DAB1: variants seen among roughly 807,000 people sequenced by gnomAD.
DAB1 encodes disabled homolog 1.
In DAB1, 15 loss-of-function variants were observed where a neutral mutation model predicts 64.6. The ratio of observed to expected loss-of-function variants is 0.23; its 90% CI spans 0.16 to 0.36. The LOEUF (loss-of-function observed/expected upper bound fraction) is 0.36, where lower values mean the gene tolerates loss of function less well. Among genes scored for constraint, DAB1 ranks in the 10% least tolerant of loss-of-function variants. The pLI is 1.00. For missense variants in DAB1, 596 were observed against 706.7 expected, an observed-to-expected ratio of 0.84 and a Z score of 1.78; for synonymous variants, 235 against 251.9, an observed-to-expected ratio of 0.93 and a Z score of 0.64.
intron 5 of DAB1, among the ~76,000 whole-genome samples, chr1:57,929,776 C>A (rs1644929864): frequency 6.6e-6 from 1 of 152,082 alleles, no homozygotes; most frequent in South Asian, 2.1e-4. Context: ...TGATGCACAC[C>A]CTGACATTAT....
At chr1:57,177,014 G>A (rs1662406921) in intron 2 of DAB1, among the ~76,000 whole-genome samples, 1 of 139,142 alleles carries the variant, frequency 7.2e-6, no homozygotes, top group East Asian at 2.1e-4. Flanking sequence ...ACCCACATTT[G>A]CCTAAAAGCG....
intron 2 of DAB1, among the ~76,000 whole-genome samples, chr1:57,184,242 T>C (rs1205851150): frequency 6.6e-6 from 1 of 152,134 alleles, no homozygotes; most frequent in Admixed American, 6.6e-5. Flanking sequence ...ACCACAGGTG[T>C]TTCAGGCCAG....
intron 7 of DAB1, among the ~76,000 whole-genome samples, chr1:57,473,519 G>A (rs1643894223): frequency 6.6e-6 from 1 of 152,170 alleles, no homozygotes; most frequent in African/African-American, 2.4e-5. Flanking sequence ...ATTTGCAAAA[G>A]AATCCCTTCT....
chr1:57,699,774 G>A (rs761171915), intron 6 of DAB1, among the ~76,000 whole-genome samples: 9 of 152,076 alleles, frequency 5.9e-5, no homozygotes, highest in African/African-American at 7.2e-5. Flanking sequence ...TTAGCTCGGC[G>A]TGGTGGTGCG....
intron 3 of DAB1, 78 bp from the exon 4 acceptor site, chr1:57,136,719 T>A (rs910125540): frequency 4.6e-6 from 4 of 862,886 alleles, no homozygotes; most frequent in Non-Finnish European, 6.9e-6. Context: ...GTATGTCCGA[T>A]ACCATCAACC....
At chr1:58,451,672 A>C (rs903351885) in intron 3 of DAB1, among the ~76,000 whole-genome samples, 7 of 152,348 alleles carry the variant, frequency 4.6e-5, no homozygotes, top group African/African-American at 1.7e-4. Flanking sequence ...GAAAAGACAT[A>C]CTATACAAAT....
At chr1:57,110,857 G>T (rs114411830) in intron 4 of DAB1, among the ~76,000 whole-genome samples, 12 of 152,028 alleles carry the variant, frequency 7.9e-5, no homozygotes, top group Admixed American at 7.2e-4. Flanking sequence ...TAAAGAGATG[G>T]AGCAACTTGC....
At chr1:58,377,729 CT>C (rs1557743847) in intron 3 of DAB1, among the ~76,000 whole-genome samples, 1 of 138,242 alleles carries the variant, frequency 7.2e-6, no homozygotes, top group African/African-American at 2.8e-5. Context: ...GTTGGCCTGC[CT>C]TGCTAGATTG....
chr1:58,220,872 T>TACAC (rs373869896), intron 4 of DAB1, among the ~76,000 whole-genome samples: 3,506 of 146,782 alleles, frequency 0.024, 145 homozygotes, highest in South Asian at 0.11. Context: ...TATACATATA[T>TACAC]ACACACACAC....
intron 6 of DAB1, among the ~76,000 whole-genome samples, chr1:57,811,769 A>G (rs903591065): frequency 1.3e-5 from 2 of 152,194 alleles, no homozygotes; most frequent in Non-Finnish European, 2.9e-5. Flanking sequence ...GTATGTGCTC[A>G]AGGAATGTGT....
chr1:58,395,374 C>T (rs889381417), intron 3 of DAB1, among the ~76,000 whole-genome samples: 1 of 152,166 alleles, frequency 6.6e-6, no homozygotes, highest in Non-Finnish European at 1.5e-5. Flanking sequence ...GCAAGTCACT[C>T]CCTTTCTCTG....
chr1:58,245,312 T>C (rs1334914724), intron 4 of DAB1, among the ~76,000 whole-genome samples: 1 of 152,212 alleles, frequency 6.6e-6, no homozygotes, highest in East Asian at 1.9e-4. Context: ...GGATACAGAA[T>C]GAGCCCTGGA....
intron 1 of DAB1, among the ~76,000 whole-genome samples, chr1:58,545,855 G>C (rs1249110352): frequency 2.6e-5 from 4 of 152,144 alleles, no homozygotes; most frequent in Non-Finnish European, 5.9e-5. Context: ...ACACATGATG[G>C]AAGGCTTTAA....
intron 9 of DAB1, among the ~76,000 whole-genome samples, chr1:57,051,260 C>T (rs1388997387): frequency 6.6e-6 from 1 of 152,164 alleles, no homozygotes. Flanking sequence ...TGTGTGACAT[C>T]TATGTTAACT....
chr1:58,488,222 G>T (rs373277297), intron 3 of DAB1, among the ~76,000 whole-genome samples: 1 of 151,994 alleles, frequency 6.6e-6, no homozygotes, highest in South Asian at 2.1e-4. Context: ...TGCTTTACAT[G>T]TGCGGAATTT....
intron 4 of DAB1, among the ~76,000 whole-genome samples, chr1:58,292,504 G>A (rs1468524726): frequency 6.6e-6 from 1 of 152,098 alleles, no homozygotes; most frequent in Non-Finnish European, 1.5e-5. Flanking sequence ...GAAATAAAAA[G>A]AGAACCTGTC....
intron 2 of DAB1, among the ~76,000 whole-genome samples, chr1:57,245,741 T>C (rs1204749583): frequency 6.6e-6 from 1 of 152,262 alleles, no homozygotes; most frequent in Non-Finnish European, 1.5e-5. Flanking sequence ...GCAATAAACA[T>C]ACTTGTGCAT....
At position 57,284,103 on chromosome 1, in the gene DAB1, A is replaced by T. The variant is rs539833478; in HGVS notation, c.67+6861T>A. 5.3e-5 allele frequency among the ~76,000 whole-genome samples: 8 copies of T among 152,344 alleles called. No individual in the cohort carries two copies. The South Asian group carries it at 8.3e-4, about 16-fold the overall frequency. ...AGTTTTAATGAGAATCATCCTCATT[A>T]TGATAAACATGGAATATTTTAATGA... On this transcript the variant is annotated intron_variant, in intron 2 of 14. Transcript: ENST00000371236.
chr1:58,508,865 C>T (rs948857488), intron 2 of DAB1, among the ~76,000 whole-genome samples: 3 of 151,836 alleles, frequency 2.0e-5, no homozygotes, highest in East Asian at 1.9e-4. Flanking sequence ...AGGTAGATCA[C>T]GTGTCCAACA....
Sources: allele counts gnomAD v4.1 joint callset (sites outside exome capture counted in the v4.1 genomes callset), GRCh38; gene constraint gnomAD v4.1.1; transcripts MANE v1.5; gene names NCBI Gene and HGNC (gene_info 2026-07-23, HGNC 2026-07-21).